The following ZNF462 variants were observed in gnomAD, a reference collection of about 807,000 sequenced individuals.
ZNF462 encodes zinc finger PBX1-interacting protein.
Under a neutral mutation model 201.9 loss-of-function variants are expected in ZNF462, and 10 were observed. That is an observed-to-expected ratio of 0.05 (90% CI 0.03 to 0.08). The LOEUF (loss-of-function observed/expected upper bound fraction) is 0.08. ZNF462 is among the 10% of genes least tolerant of loss of function. The pLI is 1.00. For missense variants in ZNF462, 2,523 were observed against 3,168.3 expected, an observed-to-expected ratio of 0.80 and a Z score of 4.89; for synonymous variants, 1,227 against 1,193.3, an observed-to-expected ratio of 1.03 and a Z score of -0.58.
At position 106,927,272 on chromosome 9, in the gene ZNF462, C is replaced by G. The variant is rs746112158; in HGVS notation, c.3360C>G (p.Ser1120=). The stretch of plus-strand genomic sequence containing the variant: ...AGCTTTACTACTGCAAACACTGTTC[C>G]TACAGCAATCGGTCAGTTGTGGGAG... The part of the protein sequence containing the change: ...STELYYCKHC[S]YSNRSVVGVL... Residue 1120 remains serine (S), a synonymous_variant, in exon 3 of 13, where the codon TCC becomes TCG. Coordinates refer to ENST00000277225, the MANE Select transcript of ZNF462 (RefSeq NM_021224.6). 6.4e-7 allele frequency: 1 copy of G among 1,566,912 alleles called. No homozygotes were observed. Among genetic ancestry groups the G allele is most frequent in the Admixed American group, 1.7e-5 (1 of 58,276 alleles).
chr9:106,981,317 A>G lies in ZNF462; in HGVS notation c.6833-2869A>G, dbSNP rs1271407756. ...CTTTTGCATTTTTTAAATATTATGA[A>G]TGAAAGGCTTATAAGCACACACATA... On this transcript the variant is annotated intron_variant, in intron 9 of 12. Transcript: ENST00000277225. The surrounding 1 kb of genome is among the most constrained non-coding windows in gnomAD (Gnocchi z 4.0). Among the ~76,000 whole-genome samples, 1 of 152,190 alleles carries G rather than the reference A, an allele frequency of 6.6e-6. No homozygotes were observed. The highest frequency in any genetic ancestry group is 1.9e-4 in the East Asian group (1 of 5,192).
At chr9:107,000,871 G>T (rs1829135508) in intron 10 of ZNF462, among the ~76,000 whole-genome samples, 2 of 152,248 alleles carry the variant, frequency 1.3e-5, no homozygotes, top group South Asian at 4.2e-4. Flanking sequence ...GTCACCAAGA[G>T]CTCCAAAAGA....
rs762961646 is a variant in ZNF462 at position 106,939,115 on chromosome 9, T to G, written c.6427+8T>G. ...AAGTGGAAGACTCCAATGGTAAAAA[T>G]GGGCTTCCAAGCTGGAATTAACCAC... On this transcript the variant is annotated splice_region_variant and intron_variant, in intron 7 of 12. Transcript: ENST00000277225. 6.3e-7 allele frequency: 1 copy of G among 1,578,224 alleles called. No homozygotes were observed. Among genetic ancestry groups the G allele is most frequent in the Non-Finnish European group, 8.6e-7 (1 of 1,162,122 alleles).
intron 6 of ZNF462, among the ~76,000 whole-genome samples, chr9:106,937,214 A>T (rs1056984851): frequency 1.3e-5 from 2 of 152,200 alleles, no homozygotes; most frequent in African/African-American, 4.8e-5. Flanking sequence ...TTGCATTAAA[A>T]GAAAAAAATG....
intron 1 of ZNF462, among the ~76,000 whole-genome samples, chr9:106,888,660 A>C (rs970125732): frequency 1.3e-5 from 2 of 152,008 alleles, no homozygotes; most frequent in African/African-American, 4.8e-5. Flanking sequence ...GCCATTGGCT[A>C]CTCCACATCT....
rs1054192070 is a variant in ZNF462 at position 106,917,536 on chromosome 9, T to G, written c.-30-5818T>G. Among the ~76,000 whole-genome samples, 13 of 152,286 alleles carry G rather than the reference T, an allele frequency of 8.5e-5. No homozygotes were observed. The highest frequency in any genetic ancestry group is 2.6e-4 in the African/African-American group (11 of 41,560). On this transcript the variant is annotated intron_variant, in intron 1 of 12. Coordinates refer to ENST00000277225, the MANE Select transcript of ZNF462 (RefSeq NM_021224.6). This position sits in a 1 kb window ranked among gnomAD's most constrained non-coding sequence, Gnocchi z 4.5. ...TTTAACTTCAGTCTCATATTGGGGG[T>G]TACATATGTGATTGCAAATTAATCC... is the stretch of plus-strand genomic sequence containing the variant.
intron 1 of ZNF462, among the ~76,000 whole-genome samples, chr9:106,903,506 T>C (rs1157299186): frequency 6.6e-6 from 1 of 152,208 alleles, no homozygotes; most frequent in East Asian, 1.9e-4. Flanking sequence ...TGATGACCTG[T>C]CTAGTACTGT....
chr9:106,907,305 C>A (rs1829313296), intron 1 of ZNF462, among the ~76,000 whole-genome samples: 1 of 152,128 alleles, frequency 6.6e-6, no homozygotes, highest in African/African-American at 2.4e-5. Flanking sequence ...ACATTGGTAA[C>A]AATCTTGTGC....
intron 1 of ZNF462, among the ~76,000 whole-genome samples, chr9:106,916,908 G>A (rs559736285): frequency 6.6e-6 from 1 of 152,170 alleles, no homozygotes; most frequent in South Asian, 2.1e-4. Flanking sequence ...CCCCTTTACA[G>A]ACAATGAAGT....
In ZNF462 at chr9:106,917,578, T is replaced by A. The variant is rs1306514531; in HGVS notation, c.-30-5776T>A. Among the ~76,000 whole-genome samples the A allele has an allele frequency of 2.6e-5, 4 of 152,186 alleles. No homozygotes were observed. The highest frequency in any genetic ancestry group is 9.7e-5 in the African/African-American group (4 of 41,444). Reference sequence around the variant, plus strand: ...AATTAATCCTTTCTCTTCTGAAAATTTGGTTTTGAAGAACAGCTGTGTCTC... The same window carrying A: ...AATTAATCCTTTCTCTTCTGAAAATATGGTTTTGAAGAACAGCTGTGTCTC... On this transcript the variant is annotated intron_variant, in intron 1 of 12. Coordinates refer to ENST00000277225, the MANE Select transcript of ZNF462 (RefSeq NM_021224.6). This position sits in a 1 kb window ranked among gnomAD's most constrained non-coding sequence, Gnocchi z 4.5.
intron 11 of ZNF462, among the ~76,000 whole-genome samples, chr9:107,007,901 A>G (rs1829671750): frequency 6.6e-6 from 1 of 152,184 alleles, no homozygotes; most frequent in Non-Finnish European, 1.5e-5. Context: ...TAAAGAAACA[A>G]GTGTACCAGG....
chr9:106,944,340 C>T (rs1831011348), intron 7 of ZNF462, among the ~76,000 whole-genome samples: 1 of 152,116 alleles, frequency 6.6e-6, no homozygotes, highest in African/African-American at 2.4e-5. Flanking sequence ...TCCCATCAGA[C>T]TTTTAAAACA....
chr9:106,932,431 C>A lies in ZNF462; in HGVS notation c.6013-15C>A. 1 of 1,614,222 alleles carries A rather than the reference C, an allele frequency of 6.2e-7. No homozygotes were observed. On this transcript the variant is annotated splice_polypyrimidine_tract_variant and intron_variant, in intron 4 of 12. Transcript: ENST00000277225. This position sits in a 1 kb window ranked among gnomAD's most constrained non-coding sequence, Gnocchi z 6.8. Reference sequence around the variant, plus strand: ...CCATTGCAGTCAATGTGACAGAGTCCTGATGTCCATGCAGGGGCTGCGTTC... The same window carrying A: ...CCATTGCAGTCAATGTGACAGAGTCATGATGTCCATGCAGGGGCTGCGTTC...
At chr9:106,911,813 A>G (rs536482090) in intron 1 of ZNF462, among the ~76,000 whole-genome samples, 3 of 152,214 alleles carry the variant, frequency 2.0e-5, no homozygotes, top group African/African-American at 7.2e-5. Flanking sequence ...AGACTTTCTG[A>G]TACATTTAGA....
In ZNF462 at chr9:107,003,490, G is replaced by C. The variant is rs1829343890; in HGVS notation, c.7189+64G>C. The C allele has an allele frequency of 1.3e-6, 2 of 1,578,044 alleles. No individual in the cohort carries two copies. Among genetic ancestry groups the C allele is most frequent in the African/African-American group, 2.7e-5 (2 of 73,752 alleles). On this transcript the variant is annotated intron_variant, in intron 11 of 12. Coordinates refer to ENST00000277225, the MANE Select transcript of ZNF462 (RefSeq NM_021224.6). The surrounding 1 kb of genome is among the most constrained non-coding windows in gnomAD (Gnocchi z 4.4). ...TGGCATGTCCGTAGTGAGACAGAAG[G>C]GAGGCAGGAGGTTGTTGTAGGAGTA...
At chr9:106,861,887 C>A (rs996634819), upstream of ZNF462, among the ~76,000 whole-genome samples, 3 of 152,206 alleles carry the variant, frequency 2.0e-5, no homozygotes, top group Non-Finnish European at 4.4e-5. Context: ...ATTAAGAGCG[C>A]TGATTGTTAC....
Position 106,932,701 on chromosome 9 carries a change from G to A in ZNF462, c.6116+152G>A, listed in dbSNP as rs985190091. Reference sequence around the variant, plus strand: ...ACCTGGAGCCTCAGTCACCTTTTCTGTAAAATGGGGCTGAGAACAGGAGAT... The same window carrying A: ...ACCTGGAGCCTCAGTCACCTTTTCTATAAAATGGGGCTGAGAACAGGAGAT... On this transcript the variant is annotated intron_variant, in intron 5 of 12. Coordinates refer to ENST00000277225, the MANE Select transcript of ZNF462 (RefSeq NM_021224.6). The surrounding 1 kb of genome is among the most constrained non-coding windows in gnomAD (Gnocchi z 6.8). 7 of 941,272 alleles carry A rather than the reference G, an allele frequency of 7.4e-6. No homozygotes were observed. Among genetic ancestry groups the A allele is most frequent in the Non-Finnish European group, 1.1e-5 (7 of 632,264 alleles). The allele number at this position is 941,272 out of a possible 1,614,324, so 58.3% of individuals were successfully genotyped here.
chr9:106,922,077 T>C (rs1312994135), intron 1 of ZNF462, among the ~76,000 whole-genome samples: 2 of 152,230 alleles, frequency 1.3e-5, no homozygotes, highest in South Asian at 2.1e-4. Flanking sequence ...TTTCACTACA[T>C]TGATGTATTA....
intron 11 of ZNF462, among the ~76,000 whole-genome samples, chr9:107,004,130 A>G (rs1332769762): frequency 2.0e-5 from 3 of 152,232 alleles, no homozygotes; most frequent in African/African-American, 7.2e-5. Context: ...GGTTTTCTAT[A>G]TTGTTCAACG....
Sources: allele counts gnomAD v4.1 joint callset (sites outside exome capture counted in the v4.1 genomes callset), GRCh38; gene constraint gnomAD v4.1.1; non-coding constraint Gnocchi (gnomAD v3.1); transcripts MANE v1.5; gene names NCBI Gene and HGNC (gene_info 2026-07-23, HGNC 2026-07-21).